The following ZNF792 variants were observed in gnomAD, a reference collection of about 807,000 sequenced individuals.
The protein encoded by ZNF792 is zinc finger protein 792.
Under a neutral mutation model 13.1 loss-of-function variants are expected in ZNF792, and 14 were observed. That is an observed-to-expected ratio of 1.07 (90% confidence interval 0.71 to 1.67). The LOEUF is 1.67. ZNF792 is among the 40% of genes most tolerant of loss of function. The pLI, the probability that ZNF792 is intolerant of heterozygous loss-of-function variation, is 0.00. For synonymous variants in ZNF792, 257 were observed against 292.0 expected (o/e 0.88, Z 1.22); for missense variants, 740 against 807.9 (o/e 0.92, Z 1.02).
rs774473899 is a variant in ZNF792 at position 34,959,391 on chromosome 19, G to A, written c.464C>T (p.Pro155Leu). The change falls in exon 4 of 4, where the codon CCC becomes CTC. Residue 155 changes from proline to leucine, a missense_variant. Coordinates refer to ENST00000404801, the MANE Select transcript of ZNF792 (RefSeq NM_175872.5). ...CTCACACACAAATGGTTTCTGCCTG[G>A]GATGTGTTGTCTGGTGTTCAGCCAA... ...LHLAEHQTTHPRQKPFVCEAY... is the reference protein window; with the variant it reads ...LHLAEHQTTHLRQKPFVCEAY... The A allele has an allele frequency of 3.1e-6, 5 of 1,614,088 alleles. No individual in the cohort carries two copies. The Admixed American group carries it at 8.3e-5, about 27-fold the overall frequency.
At chr19:34,959,808 G>C (rs1413111316) in intron 3 of ZNF792, among the ~76,000 whole-genome samples, 1 of 152,190 alleles carries the variant, frequency 6.6e-6, no homozygotes, top group South Asian at 2.1e-4. Flanking sequence ...TGGGCAGAGA[G>C]GCAGGGTCTC....
chr19:34,957,191 G>A lies in ZNF792; in HGVS notation c.*765C>T, dbSNP rs1386331733. The A allele has an allele frequency of 6.6e-6, 1 of 152,218 alleles. No homozygotes were observed. The highest frequency in any genetic ancestry group is 2.4e-5 in the African/African-American group (1 of 41,448). 9.4% of individuals were successfully genotyped at this position (152,218 alleles called of 1,614,324 possible). On this transcript the variant is annotated 3_prime_UTR_variant, in exon 4 of 4. Coordinates refer to ENST00000404801, the MANE Select transcript of ZNF792 (RefSeq NM_175872.5). ...TTGGGGAATATGGGGCACCCCCTGG[G>A]AATAAGGGACCCAATTCATGCTGTT...
Position 34,960,900 on chromosome 19 carries a change from A to G in ZNF792, c.128T>C (p.Met43Thr), listed in dbSNP as rs138733089. 6.2e-7 allele frequency: 1 copy of G among 1,614,096 alleles called. No homozygotes were observed. The highest frequency in any genetic ancestry group is 8.5e-7 in the Non-Finnish European group (1 of 1,179,970). Reference sequence around the variant, plus strand: ...GGCTATAAGTGCAAAGTTTTCCAGCATCACATCGCAGTACAGGAGTCTCTG... The same window carrying G: ...GGCTATAAGTGCAAAGTTTTCCAGCGTCACATCGCAGTACAGGAGTCTCTG... ...EAQRLLYCDV[M>T]LENFALIASL... Residue 43 changes from methionine to threonine, a missense_variant, in exon 2 of 4, where the codon ATG becomes ACG. Physicochemically the swap from Met to Thr is moderately conservative, Grantham distance 81. Transcript: ENST00000404801.
At position 34,960,216 on chromosome 19, in the gene ZNF792, A is replaced by C; in HGVS notation, c.283+19T>G. 1 of 1,612,800 alleles carries C rather than the reference A, an allele frequency of 6.2e-7. No homozygotes were observed. Among genetic ancestry groups the C allele is most frequent in the Non-Finnish European group, 8.5e-7 (1 of 1,178,964 alleles). On this transcript the variant is annotated intron_variant, in intron 3 of 3. Coordinates refer to ENST00000404801, the MANE Select transcript of ZNF792 (RefSeq NM_175872.5). ...CAGTGGTGAAGTCACATCCTCCCCT[A>C]GCTCCCATCGCTGCTTACCAGAGCC...
Position 34,959,000 on chromosome 19 carries a change from G to A in ZNF792, c.855C>T (p.Ser285=). The A allele has an allele frequency of 6.2e-7, 1 of 1,614,002 alleles. No homozygotes were observed. Among genetic ancestry groups the A allele is most frequent in the Non-Finnish European group, 8.5e-7 (1 of 1,179,864 alleles). The change falls in exon 4 of 4, where the codon AGC becomes AGT. Residue 285 remains serine, a synonymous_variant. Transcript: ENST00000404801. ...IHSRERPYEC[S]KCGIFFTYAA... The stretch of plus-strand genomic sequence containing the variant: ...CGTAAGTGAAGAAGATTCCACATTT[G>A]CTGCATTCATAAGGCCTTTCTCTGC...
Sources: allele counts gnomAD v4.1 joint callset (sites outside exome capture counted in the v4.1 genomes callset), GRCh38; gene constraint gnomAD v4.1.1; transcripts MANE v1.5; gene names NCBI Gene and HGNC (gene_info 2026-07-23, HGNC 2026-07-21).